SEMA5A: variants seen among roughly 807,000 people sequenced by gnomAD.
The protein encoded by SEMA5A is semaphorin 5A, also known as semaphorin-5A.
A neutral mutation model predicts 135.5 loss-of-function variants in SEMA5A; 55 were observed. That is an observed-to-expected ratio of 0.41 (90% CI 0.33 to 0.51). The LOEUF (loss-of-function observed/expected upper bound fraction) is 0.51, where lower values mean the gene tolerates loss of function less well. Ranked by LOEUF, SEMA5A falls within the 20% of genes least tolerant of loss-of-function variation. The pLI is 0.37. For missense variants in SEMA5A, 1,290 were observed against 1,419.9 expected (o/e 0.91, Z 1.47); for synonymous variants, 580 against 546.5 (o/e 1.06, Z -0.85).
intron 5 of SEMA5A, among the ~76,000 whole-genome samples, chr5:9,266,440 G>A (rs768227897): frequency 6.6e-6 from 1 of 151,486 alleles, no homozygotes; most frequent in Admixed American, 6.6e-5. Flanking sequence ...CTTAAATGAC[G>A]AGATACTACA....
intron 2 of SEMA5A, among the ~76,000 whole-genome samples, chr5:9,390,073 A>G (rs1318666096): frequency 6.6e-6 from 1 of 152,196 alleles, no homozygotes; most frequent in East Asian, 1.9e-4. Flanking sequence ...AATGCCATCC[A>G]AGTTCCCTTT....
intron 1 of SEMA5A, among the ~76,000 whole-genome samples, chr5:9,463,836 T>G (rs930999747): frequency 1.3e-5 from 2 of 152,232 alleles, no homozygotes; most frequent in African/African-American, 4.8e-5. Context: ...CATCTGGCTC[T>G]GTTGAAAAAG....
rs987234350 is a variant in SEMA5A, at chr5:9,377,943, C to G, written c.124+1880G>C. Reference sequence around the variant, plus strand: ...TCAACCCAGAGAGTAAAGAAGCTCTCAAAGATGACTTGGATGGAGTCAGAA... The same window carrying G: ...TCAACCCAGAGAGTAAAGAAGCTCTGAAAGATGACTTGGATGGAGTCAGAA... On this transcript the variant is annotated intron_variant, in intron 3 of 22. Transcript: ENST00000382496. Among the ~76,000 whole-genome samples, 3 of 152,112 alleles carry G rather than the reference C, an allele frequency of 2.0e-5. No individual in the cohort carries two copies. The East Asian group carries it at 5.8e-4, about 29-fold the overall frequency.
At chr5:9,115,678 A>C (rs1740471903) in intron 15 of SEMA5A, among the ~76,000 whole-genome samples, 1 of 152,120 alleles carries the variant, frequency 6.6e-6, no homozygotes. Context: ...GGACCTTGAA[A>C]GTGGGTGAAA....
chr5:9,459,453 C>T (rs934637118), intron 1 of SEMA5A, among the ~76,000 whole-genome samples: 8 of 152,238 alleles, frequency 5.3e-5, no homozygotes, highest in African/African-American at 1.9e-4. Context: ...TGCAGGCAGC[C>T]TCTAGAGCTG....
intron 16 of SEMA5A, among the ~76,000 whole-genome samples, chr5:9,084,838 A>C (rs1260557672): frequency 6.6e-6 from 1 of 152,164 alleles, no homozygotes; most frequent in Non-Finnish European, 1.5e-5. Context: ...CAGAAGACAA[A>C]AAAATGTGGG....
intron 8 of SEMA5A, 137 bp from the exon 9 acceptor site, chr5:9,202,377 C>T (rs1745766885): frequency 1.5e-6 from 1 of 654,784 alleles, no homozygotes; most frequent in Non-Finnish European, 2.3e-6. Flanking sequence ...ATTGGGAGGC[C>T]CCGTGAGCAG....
intron 21 of SEMA5A, among the ~76,000 whole-genome samples, chr5:9,046,724 G>T (rs938907040): frequency 6.6e-5 from 10 of 152,144 alleles, no homozygotes; most frequent in Non-Finnish European, 1.5e-4. Context: ...TGTGCTCCTT[G>T]GCTGCTCCAG....
At chr5:9,434,077 C>A (rs532786956) in intron 2 of SEMA5A, among the ~76,000 whole-genome samples, 16 of 152,168 alleles carry the variant, frequency 1.1e-4, no homozygotes, top group Non-Finnish European at 1.0e-4. Flanking sequence ...TTTTCATGTT[C>A]ATTTCAGCAT....
chr5:9,455,488 CTT>C (rs1561267091), intron 1 of SEMA5A, among the ~76,000 whole-genome samples: 1 of 151,992 alleles, frequency 6.6e-6, no homozygotes, highest in East Asian at 1.9e-4. Flanking sequence ...AATCTCCTGA[CTT>C]TGTGATCCGC....
At chr5:9,402,903 T>C (rs1040538146) in intron 2 of SEMA5A, among the ~76,000 whole-genome samples, 1 of 152,204 alleles carries the variant, frequency 6.6e-6, no homozygotes, top group Non-Finnish European at 1.5e-5. Context: ...ACTTCTGGAC[T>C]TGGTCTTATG....
At chr5:9,111,898 C>T (rs1324586577) in intron 15 of SEMA5A, among the ~76,000 whole-genome samples, 1 of 152,108 alleles carries the variant, frequency 6.6e-6, no homozygotes. Context: ...TGAAGCTATA[C>T]AAAAAACAAT....
chr5:9,057,314 C>G (rs1736947609), intron 18 of SEMA5A, among the ~76,000 whole-genome samples: 1 of 152,194 alleles, frequency 6.6e-6, no homozygotes, highest in Non-Finnish European at 1.5e-5. Context: ...AAAATAAAAA[C>G]AGAGACTAAA....
At chr5:9,124,325 C>T (rs1740988895) in intron 13 of SEMA5A, among the ~76,000 whole-genome samples, 1 of 152,162 alleles carries the variant, frequency 6.6e-6, no homozygotes, top group Non-Finnish European at 1.5e-5. Flanking sequence ...AGCAAATCTG[C>T]TCAGGAGGTG....
intron 12 of SEMA5A, among the ~76,000 whole-genome samples, chr5:9,151,479 T>C (rs1190001212): frequency 6.6e-6 from 1 of 152,220 alleles, no homozygotes; most frequent in Non-Finnish European, 1.5e-5. Flanking sequence ...TCTTTAAGCA[T>C]CTTTCTGAAA....
intron 1 of SEMA5A, among the ~76,000 whole-genome samples, chr5:9,518,926 T>A (rs1349376985): frequency 1.3e-5 from 2 of 151,546 alleles, no homozygotes; most frequent in Non-Finnish European, 2.9e-5. Flanking sequence ...AGCAGAAAAT[T>A]TTTTTTTAAG....
At chr5:9,320,015 T>C (rs534475349) in intron 4 of SEMA5A, among the ~76,000 whole-genome samples, 1 of 152,166 alleles carries the variant, frequency 6.6e-6, no homozygotes, top group South Asian at 2.1e-4. Context: ...CACACACAGC[T>C]GAAGGATGAA....
At chr5:9,498,467 T>C (rs1735412363) in intron 1 of SEMA5A, 1 of 152,110 alleles carries the variant, frequency 6.6e-6, no homozygotes, top group African/African-American at 2.4e-5. Flanking sequence ...TTTCTGGAAG[T>C]TCTGACATTT....
chr5:9,123,808 T>C (rs956966434), intron 13 of SEMA5A, among the ~76,000 whole-genome samples: 1 of 152,124 alleles, frequency 6.6e-6, no homozygotes, highest in African/African-American at 2.4e-5. Flanking sequence ...CTGATCAACT[T>C]CTAAGAGCTT....
Sources: allele counts gnomAD v4.1 joint callset (sites outside exome capture counted in the v4.1 genomes callset), GRCh38; gene constraint gnomAD v4.1.1; transcripts MANE v1.5; gene names NCBI Gene and HGNC (gene_info 2026-07-23, HGNC 2026-07-21).